IHO1: variants seen among roughly 807,000 people sequenced by gnomAD.
IHO1 encodes the protein interactor of HORMAD1 1.
In IHO1, 13 loss-of-function variants were observed where a neutral mutation model predicts 31.0. The observed-to-expected ratio is 0.42, with a 90% CI of 0.27 to 0.67. The LOEUF (loss-of-function observed/expected upper bound fraction) is 0.67, where lower values mean the gene tolerates loss of function less well. Ranked by LOEUF, IHO1 falls within the 30% of genes least tolerant of loss-of-function variation. The pLI, the probability that IHO1 is intolerant of heterozygous loss-of-function variation, is 0.24. For missense variants in IHO1, 599 were observed against 687.5 expected (o/e 0.87, Z 1.44); for synonymous variants, 221 against 248.4 (o/e 0.89, Z 1.04).
At chr3:49,215,401 G>C (rs561861742) in intron 2 of IHO1, among the ~76,000 whole-genome samples, 5 of 152,268 alleles carry the variant, frequency 3.3e-5, no homozygotes, top group African/African-American at 1.2e-4. Flanking sequence ...TCACAAAACT[G>C]TTCCCAGCCT....
chr3:49,254,835 G>A (rs1160284220), intron 6 of IHO1, among the ~76,000 whole-genome samples: 2 of 152,180 alleles, frequency 1.3e-5, no homozygotes, highest in African/African-American at 2.4e-5. Flanking sequence ...AGGCCGAGGC[G>A]GGCAGATCAC....
chr3:49,206,918 G>T (rs1396753685), intron 1 of IHO1, among the ~76,000 whole-genome samples: 1 of 151,832 alleles, frequency 6.6e-6, no homozygotes, highest in Non-Finnish European at 1.5e-5. Context: ...TGTGGTGGCA[G>T]ATGCCTGTAA....
chr3:49,255,076 GAAA>G (rs1286488532), intron 6 of IHO1, among the ~76,000 whole-genome samples: 1 of 150,170 alleles, frequency 6.7e-6, no homozygotes, highest in Admixed American at 6.7e-5. Context: ...AAAAAAAAAA[GAAA>G]AAAAGTTTCA....
chr3:49,212,574 C>T (rs113011189), intron 2 of IHO1, among the ~76,000 whole-genome samples: 8,586 of 151,586 alleles, frequency 0.057, 351 homozygotes, highest in Non-Finnish European at 0.09. Flanking sequence ...GGAAGTGTGT[C>T]CAGAATTGGT....
chr3:49,236,235 T>C (rs141239218), intron 2 of IHO1, among the ~76,000 whole-genome samples: 18 of 152,244 alleles, frequency 1.2e-4, no homozygotes, highest in African/African-American at 4.1e-4. Context: ...ATGATAACAT[T>C]CTTTTAATCT....
intron 2 of IHO1, among the ~76,000 whole-genome samples, chr3:49,216,277 A>G (rs2046285720): frequency 6.6e-6 from 1 of 152,196 alleles, no homozygotes; most frequent in Non-Finnish European, 1.5e-5. Context: ...CTTTGTTTCT[A>G]TTATTACATT....
chr3:49,255,558 C>CTTTT (rs11344456), intron 7 of IHO1, 65 bp downstream of exon 7: 25 of 354,802 alleles, frequency 7.0e-5, no homozygotes, highest in Non-Finnish European at 8.6e-5. Context: ...CAGAGAGAAA[C>CTTTT]TTTTTTTTTT....
At chr3:49,249,477 G>T (rs151074543) in intron 6 of IHO1, among the ~76,000 whole-genome samples, 1 of 151,952 alleles carries the variant, frequency 6.6e-6, no homozygotes, top group Non-Finnish European at 1.5e-5. Flanking sequence ...CACCATGTTA[G>T]CCAGGATGGT....
In IHO1 at chr3:49,209,472, T is replaced by TAAAAAA. The variant is rs34224471; in HGVS notation, c.-15-2285_-15-2280dup. Among the ~76,000 whole-genome samples, 8 of 141,656 alleles carry TAAAAAA rather than the reference T, an allele frequency of 5.6e-5. No homozygotes were observed. The East Asian group carries it at 1.7e-3, about 30-fold the overall frequency. 92.9% of individuals were successfully genotyped at this position (141,656 alleles called of 152,430 possible). A position where few individuals can be genotyped will look rare whatever the true frequency, so the allele number is the denominator to read the frequency against. ...AACATGGTGAGACCCTGTCTCTACT[T>TAAAAAA]AAAAAAAAAAAAAATTAGCCAGGAG... On this transcript the variant is annotated intron_variant, in intron 1 of 7. Coordinates refer to ENST00000452691, the MANE Select transcript of IHO1 (RefSeq NM_001135197.2).
chr3:49,211,288 G>GT (rs1173155850), intron 1 of IHO1, among the ~76,000 whole-genome samples: 4 of 152,134 alleles, frequency 2.6e-5, no homozygotes, highest in Non-Finnish European at 5.9e-5. Context: ...GATTACAGGC[G>GT]TGAGCCACTG....
chr3:49,230,916 C>A (rs1352430878), intron 2 of IHO1, among the ~76,000 whole-genome samples: 2 of 152,068 alleles, frequency 1.3e-5, no homozygotes, highest in Non-Finnish European at 2.9e-5. Flanking sequence ...CTCACTAGCC[C>A]TCAACAATTA....
At position 49,211,978 on chromosome 3, in the gene IHO1, C is replaced by T. The variant is rs967532060; in HGVS notation, c.56+142C>T. 1.1e-4 allele frequency: 54 copies of T among 491,136 alleles called. 1 individual carries two copies. The highest frequency in any genetic ancestry group is 1.6e-4 in the Non-Finnish European group (42 of 263,828). The allele number at this position is 491,136 out of a possible 1,614,324, so 30.4% of individuals were successfully genotyped here. ...GAGATCAGGACCATCCTGGCTAACACGGTGAAACCCCGTCTCTACTAAAAA... is the reference window on the plus strand; with the variant it reads ...GAGATCAGGACCATCCTGGCTAACATGGTGAAACCCCGTCTCTACTAAAAA... On this transcript the variant is annotated intron_variant, in intron 2 of 7. Coordinates refer to ENST00000452691, the MANE Select transcript of IHO1 (RefSeq NM_001135197.2).
At position 49,257,402 on chromosome 3, in the gene IHO1, G is replaced by A. The variant is rs1194943911; in HGVS notation, c.*120G>A. On this transcript the variant is annotated 3_prime_UTR_variant, in exon 8 of 8. Coordinates refer to ENST00000452691, the MANE Select transcript of IHO1 (RefSeq NM_001135197.2). ...TACCCAGGGTCAGAGGCCCTGCTGA[G>A]GTGGGGCAATGAGCACGAGGGCAGG... 1 of 1,008,322 alleles carries A rather than the reference G, an allele frequency of 9.9e-7. No individual in the cohort carries two copies. Among genetic ancestry groups the A allele is most frequent in the African/African-American group, 1.6e-5 (1 of 62,038 alleles). 62.5% of individuals were successfully genotyped at this position (1,008,322 alleles called of 1,614,324 possible).
chr3:49,236,500 G>C, intron 2 of IHO1, 48 bp from the exon 3 acceptor site: 1 of 1,387,016 alleles, frequency 7.2e-7, no homozygotes, highest in Non-Finnish European at 1.0e-6. Flanking sequence ...GATTTCATTT[G>C]TTCAGGATAT....
chr3:49,208,019 G>T (rs931208608), intron 1 of IHO1, among the ~76,000 whole-genome samples: 1 of 151,868 alleles, frequency 6.6e-6, no homozygotes, highest in Non-Finnish European at 1.5e-5. Context: ...TGATCCGCCC[G>T]CCTCGGCCTC....
At chr3:49,225,156 C>T (rs1426701416) in intron 2 of IHO1, among the ~76,000 whole-genome samples, 1 of 152,206 alleles carries the variant, frequency 6.6e-6, no homozygotes, top group Non-Finnish European at 1.5e-5. Flanking sequence ...TATCCCTGCT[C>T]TCTCTGTGAT....
intron 6 of IHO1, among the ~76,000 whole-genome samples, chr3:49,251,092 CAA>C (rs1180047873): frequency 6.6e-6 from 1 of 151,810 alleles, no homozygotes; most frequent in African/African-American, 2.4e-5. Flanking sequence ...TTTCACGTCT[CAA>C]TATATTTTAC....
At chr3:49,200,247 C>T (rs1012553091) in intron 1 of IHO1, among the ~76,000 whole-genome samples, 1 of 151,938 alleles carries the variant, frequency 6.6e-6, no homozygotes, top group African/African-American at 2.4e-5. Flanking sequence ...GGCGGATCTC[C>T]TGAGGTCAGG....
intron 2 of IHO1, among the ~76,000 whole-genome samples, chr3:49,218,177 CA>C (rs2046312407): frequency 6.6e-6 from 1 of 151,940 alleles, no homozygotes; most frequent in Non-Finnish European, 1.5e-5. Flanking sequence ...TCAGGGTCAG[CA>C]GCTTAACTCT....
Sources: allele counts gnomAD v4.1 joint callset (sites outside exome capture counted in the v4.1 genomes callset), GRCh38; gene constraint gnomAD v4.1.1; transcripts MANE v1.5; gene names NCBI Gene and HGNC (gene_info 2026-07-23, HGNC 2026-07-21).